Variants in KCNQ3 observed in about 807,000 individuals in gnomAD.
KCNQ3 encodes the protein potassium voltage-gated channel subfamily Q member 3.
In KCNQ3, 30 loss-of-function variants were observed where a neutral mutation model predicts 92.5. That is an observed-to-expected ratio of 0.32 (90% CI 0.24 to 0.44). The LOEUF (loss-of-function observed/expected upper bound fraction) is 0.44, where lower values mean the gene tolerates loss of function less well. Ranked by LOEUF, KCNQ3 falls within the 20% of genes least tolerant of loss-of-function variation. The probability of loss-of-function intolerance (pLI) is 1.00; values close to 1 mark genes in which losing one functional copy is unlikely to be tolerated. For synonymous variants in KCNQ3, 450 were observed against 468.8 expected (o/e 0.96, Z 0.52); for missense variants, 913 against 1,140.3 (o/e 0.80, Z 2.87).
chr8:132,305,873 T>G (rs1397918657), intron 1 of KCNQ3, among the ~76,000 whole-genome samples: 3 of 120,862 alleles, frequency 2.5e-5, no homozygotes, highest in African/African-American at 3.4e-5. Flanking sequence ...TTTTGGGGGG[T>G]TTTTTGTTTG....
At chr8:132,412,866 G>T (rs879651126) in intron 1 of KCNQ3, among the ~76,000 whole-genome samples, 2 of 152,186 alleles carry the variant, frequency 1.3e-5, no homozygotes, top group Admixed American at 6.5e-5. Flanking sequence ...CTAGCACTTA[G>T]TTCTGTTGAC....
chr8:132,215,956 C>A (rs553745461), intron 1 of KCNQ3, among the ~76,000 whole-genome samples: 2 of 151,986 alleles, frequency 1.3e-5, no homozygotes, highest in Non-Finnish European at 1.5e-5. Context: ...GGGAACTCAA[C>A]GTAAGATAAA....
chr8:132,138,442 C>T (rs563164742), intron 11 of KCNQ3, among the ~76,000 whole-genome samples: 1 of 152,318 alleles, frequency 6.6e-6, no homozygotes, highest in Non-Finnish European at 1.5e-5. Context: ...GCTGACAAGG[C>T]TGGTGCTCTT....
intron 1 of KCNQ3, among the ~76,000 whole-genome samples, chr8:132,241,175 C>A (rs1814986152): frequency 1.3e-5 from 2 of 152,108 alleles, no homozygotes. Context: ...AGGTGTGAGC[C>A]ACCGTGCCCA....
chr8:132,266,009 G>T (rs1029550687), intron 1 of KCNQ3, among the ~76,000 whole-genome samples: 9 of 152,200 alleles, frequency 5.9e-5, no homozygotes, highest in African/African-American at 1.9e-4. Flanking sequence ...CATAGCAGCT[G>T]TGAACCACTG....
intron 9 of KCNQ3, among the ~76,000 whole-genome samples, chr8:132,145,000 A>C (rs1864771): frequency 0.53 from 80,632 of 151,972 alleles, 21,656 homozygotes; most frequent in African/African-American, 0.58. Flanking sequence ...GTGATTTTGA[A>C]CCCCCAGCCA....
At chr8:132,304,036 G>T (rs1563850141) in intron 1 of KCNQ3, among the ~76,000 whole-genome samples, 1 of 152,002 alleles carries the variant, frequency 6.6e-6, no homozygotes, top group Non-Finnish European at 1.5e-5. Context: ...TATCTTAAGT[G>T]AAATAACTTA....
At chr8:132,143,845 CTGAAA>C (rs1213023569) in intron 9 of KCNQ3, among the ~76,000 whole-genome samples, 1 of 152,064 alleles carries the variant, frequency 6.6e-6, no homozygotes, top group Admixed American at 6.5e-5. Context: ...TTTAAATGAA[CTGAAA>C]TGAGTTTGGG....
intron 1 of KCNQ3, among the ~76,000 whole-genome samples, chr8:132,274,504 T>A (rs745703757): frequency 3.3e-5 from 5 of 152,206 alleles, no homozygotes; most frequent in Non-Finnish European, 5.9e-5. Flanking sequence ...AATGAGAATA[T>A]GTACTCTCTA....
chr8:132,294,786 G>A (rs1165757270), intron 1 of KCNQ3, among the ~76,000 whole-genome samples: 1 of 152,182 alleles, frequency 6.6e-6, no homozygotes, highest in African/African-American at 2.4e-5. Context: ...ACTATCCTAG[G>A]TCAAGTATTT....
At chr8:132,274,110 A>G (rs1386400291) in intron 1 of KCNQ3, among the ~76,000 whole-genome samples, 3 of 152,132 alleles carry the variant, frequency 2.0e-5, no homozygotes, top group African/African-American at 7.2e-5. Flanking sequence ...TGGGCTATCA[A>G]TTTACTGTAT....
intron 1 of KCNQ3, among the ~76,000 whole-genome samples, chr8:132,412,152 C>T (rs1227956339): frequency 6.6e-6 from 1 of 152,164 alleles, no homozygotes; most frequent in Non-Finnish European, 1.5e-5. Context: ...GCCAATAGTC[C>T]CTTGCCGATT....
chr8:132,305,768 G>C (rs566630402), intron 1 of KCNQ3, among the ~76,000 whole-genome samples: 2 of 152,188 alleles, frequency 1.3e-5, no homozygotes, highest in Admixed American at 6.5e-5. Flanking sequence ...GGCAGTAATA[G>C]AGTTTGAAAT....
chr8:132,319,957 C>T (rs1355401241), intron 1 of KCNQ3, among the ~76,000 whole-genome samples: 14 of 152,226 alleles, frequency 9.2e-5, no homozygotes, highest in Admixed American at 9.2e-4. Context: ...CCTATGGTGG[C>T]TAGCCTTGGA....
At chr8:132,265,738 T>C (rs1815959457) in intron 1 of KCNQ3, among the ~76,000 whole-genome samples, 1 of 152,218 alleles carries the variant, frequency 6.6e-6, no homozygotes, top group Admixed American at 6.5e-5. Context: ...AGAACTAAGC[T>C]CATCCAGCTT....
intron 1 of KCNQ3, among the ~76,000 whole-genome samples, chr8:132,276,247 C>G (rs1016418873): frequency 7.2e-5 from 11 of 152,184 alleles, no homozygotes; most frequent in Admixed American, 2.0e-4. Flanking sequence ...TGACACTTTA[C>G]GTGGTTTATC....
At chr8:132,160,868 G>C (rs768392894) in intron 9 of KCNQ3, among the ~76,000 whole-genome samples, 1 of 152,082 alleles carries the variant, frequency 6.6e-6, no homozygotes, top group East Asian at 1.9e-4. Context: ...GGGGCCGAGC[G>C]TTATAAAGTA....
chr8:132,361,224 A>C (rs144059560), intron 1 of KCNQ3, among the ~76,000 whole-genome samples: 1 of 152,166 alleles, frequency 6.6e-6, no homozygotes, highest in Non-Finnish European at 1.5e-5. Flanking sequence ...GAAGCCAAGT[A>C]GTTTGTTTAT....
At chr8:132,352,659 G>T (rs1051896102) in intron 1 of KCNQ3, among the ~76,000 whole-genome samples, 1 of 152,192 alleles carries the variant, frequency 6.6e-6, no homozygotes, top group African/African-American at 2.4e-5. Flanking sequence ...ATGCCAAAGG[G>T]CTCATCCTTT....
Sources: allele counts gnomAD v4.1 joint callset (sites outside exome capture counted in the v4.1 genomes callset), GRCh38; gene constraint gnomAD v4.1.1; transcripts MANE v1.5; gene names NCBI Gene and HGNC (gene_info 2026-07-23, HGNC 2026-07-21).